The following AGMO variants were observed in gnomAD, a reference collection of about 807,000 sequenced individuals.
The protein encoded by AGMO is alkylglycerol monooxygenase.
Under a neutral mutation model 60.2 loss-of-function variants are expected in AGMO, and 75 were observed. The observed-to-expected ratio is 1.25, with a 90% CI of 1.03 to 1.51. The LOEUF is 1.51. Ranked by LOEUF, AGMO falls within the 40% of genes most tolerant of loss-of-function variation. AGMO has a pLI of 0.00. For synonymous variants in AGMO, 261 were observed against 177.1 expected (o/e 1.47, Z -3.76); for missense variants, 763 against 525.5 (o/e 1.45, Z -4.42).
At chr7:15,532,817 C>A (rs1367891754) in intron 3 of AGMO, among the ~76,000 whole-genome samples, 1 of 151,900 alleles carries the variant, frequency 6.6e-6, no homozygotes, top group African/African-American at 2.4e-5. Flanking sequence ...GAAGTGAGAC[C>A]CCATCTCTAC....
chr7:15,456,154 G>T (rs1436439183), intron 3 of AGMO, among the ~76,000 whole-genome samples: 2 of 151,734 alleles, frequency 1.3e-5, no homozygotes, highest in East Asian at 3.9e-4. Flanking sequence ...AACCGTGTTT[G>T]GATAATTTTA....
At chr7:15,527,819 G>A (rs903964586) in intron 3 of AGMO, among the ~76,000 whole-genome samples, 2 of 152,040 alleles carry the variant, frequency 1.3e-5, no homozygotes, top group Middle Eastern at 3.2e-3. Flanking sequence ...TATGCTAAAT[G>A]TACTCTGCCT....
At chr7:15,480,301 C>A (rs1258349183) in intron 3 of AGMO, among the ~76,000 whole-genome samples, 3 of 152,116 alleles carry the variant, frequency 2.0e-5, no homozygotes, top group African/African-American at 7.2e-5. Flanking sequence ...TTAAGGACAT[C>A]TTCAGGTTGA....
At chr7:15,538,226 C>T (rs952314740) in intron 3 of AGMO, among the ~76,000 whole-genome samples, 3 of 152,004 alleles carry the variant, frequency 2.0e-5, no homozygotes, top group Non-Finnish European at 4.4e-5. Flanking sequence ...AATACAATCA[C>T]AATGTATTAT....
chr7:15,273,355 G>C (rs138720172), intron 12 of AGMO, among the ~76,000 whole-genome samples: 9,669 of 152,214 alleles, frequency 0.064, 478 homozygotes, highest in South Asian at 0.19. Context: ...TGGCTAGTCA[G>C]TTTTCCCAGC....
chr7:15,487,179 A>C (rs1035210841), intron 3 of AGMO, among the ~76,000 whole-genome samples: 1 of 152,200 alleles, frequency 6.6e-6, no homozygotes, highest in African/African-American at 2.4e-5. Flanking sequence ...TTACACTCCA[A>C]CTTGGTGAAA....
At chr7:15,549,903 C>T (rs1583678212) in intron 2 of AGMO, among the ~76,000 whole-genome samples, 2 of 150,960 alleles carry the variant, frequency 1.3e-5, no homozygotes, top group East Asian at 1.9e-4. Flanking sequence ...CAAAATTGAC[C>T]ACATACTGGG....
At chr7:15,301,839 T>G (rs1461294343) in intron 12 of AGMO, among the ~76,000 whole-genome samples, 1 of 152,078 alleles carries the variant, frequency 6.6e-6, no homozygotes, top group East Asian at 1.9e-4. Flanking sequence ...GCTGAATAAT[T>G]TTTTATTATA....
At chr7:15,475,955 C>T (rs1412318422) in intron 3 of AGMO, among the ~76,000 whole-genome samples, 1 of 151,920 alleles carries the variant, frequency 6.6e-6, no homozygotes, top group Admixed American at 6.6e-5. Context: ...GAAATGCTTC[C>T]AAATCATGAC....
rs376256294 is a variant in AGMO, at chr7:15,505,438, C to T, written c.409+39334G>A. ...GAGAATTTAGAGAAATCTGTGCGTA[C>T]TCAGGCATACAACTAAAACTACTCC... On this transcript the variant is annotated intron_variant, in intron 3 of 12. Transcript: ENST00000342526. 4.5e-4 allele frequency among the ~76,000 whole-genome samples: 69 copies of T among 152,058 alleles called. 1 individual carries two copies. Among genetic ancestry groups the T allele is most frequent in the African/African-American group, 1.6e-3 (67 of 41,526 alleles).
the AGMO span, among the ~76,000 whole-genome samples, chr7:15,162,002 G>T: frequency 6.6e-6 from 1 of 152,076 alleles, no homozygotes; most frequent in East Asian, 1.9e-4. Context: ...GTTGAGAAAG[G>T]GACCTGGTGG....
chr7:15,418,541 A>AT lies in AGMO; in HGVS notation c.609+16dup, dbSNP rs768483443. ...CTGTTTAGGTATAAAACTTACAAAG[A>AT]TAAAAAAAAGTTTTACCTCTGTATG... is the stretch of plus-strand genomic sequence containing the variant. On this transcript the variant is annotated intron_variant, in intron 5 of 12. Coordinates refer to ENST00000342526, the MANE Select transcript of AGMO (RefSeq NM_001004320.2). The AT allele has an allele frequency of 8.7e-5, 130 of 1,498,238 alleles. No individual in the cohort carries two copies. The highest frequency in any genetic ancestry group is 5.2e-4 in the Middle Eastern group (3 of 5,810). The allele number at this position is 1,498,238 out of a possible 1,614,324, so 92.8% of individuals were successfully genotyped here.
At chr7:15,316,743 C>T (rs538208864) in intron 12 of AGMO, among the ~76,000 whole-genome samples, 2 of 152,092 alleles carry the variant, frequency 1.3e-5, no homozygotes, top group South Asian at 4.2e-4. Context: ...CACTGTTTAG[C>T]GAAAAATCCA....
intron 3 of AGMO, among the ~76,000 whole-genome samples, chr7:15,485,353 T>G (rs951894636): frequency 6.6e-6 from 1 of 151,430 alleles, no homozygotes; most frequent in East Asian, 1.9e-4. Context: ...AAAATGAGTT[T>G]TAAGTAGGAA....
intron 2 of AGMO, among the ~76,000 whole-genome samples, chr7:15,545,272 T>C (rs1235439997): frequency 6.6e-6 from 1 of 152,200 alleles, no homozygotes; most frequent in Non-Finnish European, 1.5e-5. Flanking sequence ...GATTGTCATT[T>C]CTAAATCTTA....
At chr7:15,196,269 G>T (rs923212065), downstream of AGMO, among the ~76,000 whole-genome samples, 1 of 151,566 alleles carries the variant, frequency 6.6e-6, no homozygotes, top group Non-Finnish European at 1.5e-5. Flanking sequence ...GGCTGGTCTC[G>T]AACTCCTGAC....
chr7:15,357,872 T>C (rs1434655130), intron 12 of AGMO, among the ~76,000 whole-genome samples: 1 of 152,200 alleles, frequency 6.6e-6, no homozygotes, highest in Non-Finnish European at 1.5e-5. Context: ...CTTTAAGCCA[T>C]TAAGTTTTGG....
chr7:15,463,967 G>A (rs761941901), intron 3 of AGMO, among the ~76,000 whole-genome samples: 6 of 152,072 alleles, frequency 3.9e-5, no homozygotes, highest in Non-Finnish European at 5.9e-5. Context: ...TTTCAATAGG[G>A]CTGACTGAAA....
chr7:15,466,624 G>T (rs1782297821), intron 3 of AGMO, among the ~76,000 whole-genome samples: 1 of 152,086 alleles, frequency 6.6e-6, no homozygotes, highest in Non-Finnish European at 1.5e-5. Context: ...TTGAATATCT[G>T]CTCATCTGTT....
Sources: gnomAD v4.1 joint callset for allele counts (sites outside exome capture counted in the v4.1 genomes callset) on GRCh38, gnomAD v4.1.1 for gene constraint, MANE v1.5 for transcripts, NCBI Gene and HGNC (gene_info 2026-07-23, HGNC 2026-07-21) for gene names.